CNGB3: variants seen among roughly 807,000 people sequenced by gnomAD.
CNGB3 encodes the protein cyclic nucleotide gated channel subunit beta 3.
CNGB3 carries 86 observed loss-of-function variants against 92.8 expected under a neutral mutation model. The observed-to-expected ratio is 0.93, with a 90% CI of 0.78 to 1.11. CNGB3 has a LOEUF of 1.11. CNGB3 is among the 50% of genes least tolerant of loss of function. The pLI is 0.00. For missense variants in CNGB3, 1,026 were observed against 956.8 expected, an observed-to-expected ratio of 1.07 and a Z score of -0.95; for synonymous variants, 333 against 332.7, an observed-to-expected ratio of 1.00 and a Z score of -0.01.
intron 14 of CNGB3, among the ~76,000 whole-genome samples, chr8:86,610,055 G>C (rs188946410): frequency 1.6e-3 from 239 of 152,158 alleles, no homozygotes; most frequent in African/African-American, 5.7e-3. Flanking sequence ...CTTGTCTCTC[G>C]CATGAAGCCA....
At chr8:86,585,210 A>G (rs903693585) in intron 15 of CNGB3, among the ~76,000 whole-genome samples, 1 of 152,192 alleles carries the variant, frequency 6.6e-6, no homozygotes, top group African/African-American at 2.4e-5. Flanking sequence ...AACTCAGTAA[A>G]TGTGAGGAAC....
intron 10 of CNGB3, among the ~76,000 whole-genome samples, chr8:86,638,700 C>T (rs1823120931): frequency 6.6e-6 from 1 of 152,108 alleles, no homozygotes; most frequent in African/African-American, 2.4e-5. Flanking sequence ...CATACCTAGA[C>T]TTACTGAAAT....
chr8:86,596,207 T>C (rs573908989), intron 15 of CNGB3, among the ~76,000 whole-genome samples: 249 of 152,306 alleles, frequency 1.6e-3, no homozygotes, highest in Non-Finnish European at 3.1e-3. Flanking sequence ...AAATAACCTA[T>C]TAAAATGCAA....
At chr8:86,683,769 A>T (rs989583955) in intron 3 of CNGB3, among the ~76,000 whole-genome samples, 4 of 152,124 alleles carry the variant, frequency 2.6e-5, no homozygotes, top group Admixed American at 1.3e-4. Flanking sequence ...ATGGTGCTGG[A>T]GCAACTGGAC....
chr8:86,736,498 A>T (rs745756942), intron 2 of CNGB3, among the ~76,000 whole-genome samples: 1 of 152,178 alleles, frequency 6.6e-6, no homozygotes, highest in Non-Finnish European at 1.5e-5. Context: ...TCAAAGGTGT[A>T]ATCCTTGGTT....
At chr8:86,679,222 C>G (rs552182931) in intron 3 of CNGB3, among the ~76,000 whole-genome samples, 21 of 152,216 alleles carry the variant, frequency 1.4e-4, no homozygotes, top group African/African-American at 5.1e-4. Flanking sequence ...TTTTAGTTAA[C>G]ATTCCTCTCT....
chr8:86,622,733 G>A (rs955091593), intron 13 of CNGB3, among the ~76,000 whole-genome samples: 1 of 152,140 alleles, frequency 6.6e-6, no homozygotes, highest in Non-Finnish European at 1.5e-5. Context: ...TTTCCTTTTG[G>A]ACCTAGGTTT....
intron 15 of CNGB3, among the ~76,000 whole-genome samples, chr8:86,581,359 G>A (rs898069238): frequency 1.3e-5 from 2 of 152,224 alleles, no homozygotes; most frequent in South Asian, 4.2e-4. Context: ...AACTCTTGGG[G>A]GCCATGGTTA....
intron 2 of CNGB3, among the ~76,000 whole-genome samples, chr8:86,730,351 G>A (rs991054548): frequency 1.3e-5 from 2 of 152,202 alleles, no homozygotes; most frequent in Non-Finnish European, 2.9e-5. Context: ...AAATTAAAAA[G>A]ACACTCAGTT....
In CNGB3 at chr8:86,706,897, A is replaced by G. The variant is rs551010978; in HGVS notation, c.338+19634T>C. Among the ~76,000 whole-genome samples, 4 of 152,350 alleles carry G rather than the reference A, an allele frequency of 2.6e-5. No homozygotes were observed. The South Asian group carries it at 6.2e-4, about 24-fold the overall frequency. ...TTTGTTCTTGACCTCAAATAGCTTA[A>G]AAGTACATTAAATTGTGAATTTTCT... is the stretch of plus-strand genomic sequence containing the variant. On this transcript the variant is annotated intron_variant, in intron 3 of 17. Coordinates refer to ENST00000320005, the MANE Select transcript of CNGB3 (RefSeq NM_019098.5).
At chr8:86,634,296 C>A (rs1336328164) in intron 10 of CNGB3, among the ~76,000 whole-genome samples, 4 of 152,038 alleles carry the variant, frequency 2.6e-5, no homozygotes, top group African/African-American at 4.8e-5. Context: ...AGAAACTAGG[C>A]TTTGTGGTAG....
At chr8:86,719,067 C>T (rs1378800961) in intron 3 of CNGB3, among the ~76,000 whole-genome samples, 2 of 151,634 alleles carry the variant, frequency 1.3e-5, no homozygotes, top group East Asian at 3.9e-4. Context: ...CAACATTATA[C>T]TAGATGGGGA....
chr8:86,644,752 T>A, intron 8 of CNGB3, 66 bp from the exon 9 acceptor site: 1 of 1,037,744 alleles, frequency 9.6e-7, no homozygotes, highest in Non-Finnish European at 1.3e-6. Context: ...TAAATAAAAC[T>A]ATATGAAATA....
intron 3 of CNGB3, among the ~76,000 whole-genome samples, chr8:86,697,973 A>C (rs1401591477): frequency 2.3e-4 from 35 of 152,166 alleles, no homozygotes; most frequent in Admixed American, 2.3e-3. Context: ...ACGTGAACTC[A>C]TCCTTTTTTA....
chr8:86,718,999 C>A (rs1202981749), intron 3 of CNGB3, among the ~76,000 whole-genome samples: 1 of 151,766 alleles, frequency 6.6e-6, no homozygotes, highest in Non-Finnish European at 1.5e-5. Context: ...CTCAGAAAAA[C>A]TGGCATAGAA....
chr8:86,694,980 A>C (rs1309148648), intron 3 of CNGB3, among the ~76,000 whole-genome samples: 1 of 152,182 alleles, frequency 6.6e-6, no homozygotes. Flanking sequence ...AGCCGAGATC[A>C]CGCCACTGCA....
At chr8:86,639,490 TCA>T (rs1440596197) in intron 10 of CNGB3, among the ~76,000 whole-genome samples, 1 of 152,112 alleles carries the variant, frequency 6.6e-6, no homozygotes, top group Admixed American at 6.6e-5. Context: ...TTTTAAATGT[TCA>T]CAGTGTTCCA....
At chr8:86,606,713 C>T (rs904300771) in intron 14 of CNGB3, among the ~76,000 whole-genome samples, 9 of 151,996 alleles carry the variant, frequency 5.9e-5, no homozygotes, top group South Asian at 2.1e-4. Flanking sequence ...TGCAAAAATC[C>T]GAGTGAAGTC....
intron 15 of CNGB3, among the ~76,000 whole-genome samples, chr8:86,592,033 A>G (rs1364780218): frequency 6.6e-6 from 1 of 152,226 alleles, no homozygotes; most frequent in East Asian, 1.9e-4. Flanking sequence ...TGCAGGATAT[A>G]ATCTCGTGGT....
Sources: gnomAD v4.1 joint callset for allele counts (sites outside exome capture counted in the v4.1 genomes callset) on GRCh38, gnomAD v4.1.1 for gene constraint, MANE v1.5 for transcripts, NCBI Gene and HGNC (gene_info 2026-07-23, HGNC 2026-07-21) for gene names.